The following SPMIP2 variants were observed in gnomAD, a reference collection of about 807,000 sequenced individuals.
The protein encoded by SPMIP2 is sperm microtubule inner protein 2, also known as protein SPMIP2.
the SPMIP2 span, among the ~76,000 whole-genome samples, chr4:158,940,559 C>CTTTTTTT: frequency 3.0e-5 from 4 of 135,112 alleles, no homozygotes; most frequent in Non-Finnish European, 4.7e-5. Context: ...GTTGTTCCTT[C>CTTTTTTT]TTTTTTTTTT....
At chr4:159,014,190 C>T in the SPMIP2 span, among the ~76,000 whole-genome samples, 1 of 152,186 alleles carries the variant, frequency 6.6e-6, no homozygotes, top group Non-Finnish European at 1.5e-5. Context: ...TGCGGTGTCT[C>T]ACGCCTGTAA....
the SPMIP2 span, among the ~76,000 whole-genome samples, chr4:158,976,197 TG>T: frequency 4.6e-5 from 7 of 152,152 alleles, no homozygotes; most frequent in Non-Finnish European, 8.8e-5. Flanking sequence ...GCTGAGACAA[TG>T]GGGTTTTCTA....
the SPMIP2 span, among the ~76,000 whole-genome samples, chr4:159,039,153 G>T: frequency 6.6e-6 from 1 of 152,002 alleles, no homozygotes; most frequent in Non-Finnish European, 1.5e-5. Context: ...TGGCCAGGCT[G>T]GTCTGGAACT....
chr4:158,996,158 T>C, the SPMIP2 span, among the ~76,000 whole-genome samples: 1 of 152,224 alleles, frequency 6.6e-6, no homozygotes, highest in African/African-American at 2.4e-5. Flanking sequence ...TTAAATTTGC[T>C]GATGTAATCA....
At chr4:158,944,697 C>G in the SPMIP2 span, among the ~76,000 whole-genome samples, 2 of 152,200 alleles carry the variant, frequency 1.3e-5, no homozygotes, top group Non-Finnish European at 1.5e-5. Context: ...CTGAGTTGAT[C>G]TGCTTCTACT....
the SPMIP2 span, among the ~76,000 whole-genome samples, chr4:158,914,395 A>C: frequency 6.6e-6 from 1 of 152,220 alleles, no homozygotes; most frequent in Non-Finnish European, 1.5e-5. Context: ...CTGGCAACAG[A>C]GGGTGAGTAA....
chr4:159,001,330 G>A, the SPMIP2 span, among the ~76,000 whole-genome samples: 2 of 151,838 alleles, frequency 1.3e-5, no homozygotes, highest in African/African-American at 4.8e-5. Flanking sequence ...TAATTGCCTC[G>A]TCTTCTTATT....
At chr4:159,039,219 G>C in the SPMIP2 span, among the ~76,000 whole-genome samples, 1 of 152,124 alleles carries the variant, frequency 6.6e-6, no homozygotes, top group South Asian at 2.1e-4. Flanking sequence ...AATTACAGGC[G>C]TGAGCCACCA....
chr4:158,976,420 G>T, the SPMIP2 span, among the ~76,000 whole-genome samples: 1 of 152,020 alleles, frequency 6.6e-6, no homozygotes, highest in African/African-American at 2.4e-5. Flanking sequence ...ATTGGCTGTG[G>T]GTTTTTCATA....
chr4:158,957,146 A>G, the SPMIP2 span, among the ~76,000 whole-genome samples: 3 of 152,102 alleles, frequency 2.0e-5, no homozygotes, highest in Non-Finnish European at 4.4e-5. Context: ...TCCCTTCTCC[A>G]TATAACATTC....
the SPMIP2 span, among the ~76,000 whole-genome samples, chr4:158,930,632 C>G: frequency 6.7e-6 from 1 of 149,166 alleles, no homozygotes; most frequent in Admixed American, 6.7e-5. Flanking sequence ...TTTAGGACTA[C>G]AGGCATGCAC....
the SPMIP2 span, among the ~76,000 whole-genome samples, chr4:159,051,042 G>A: frequency 6.6e-6 from 1 of 151,780 alleles, no homozygotes; most frequent in Non-Finnish European, 1.5e-5. Context: ...AGGAGGCAGA[G>A]GTTGCAGTGA....
At chr4:159,042,189 C>G in the SPMIP2 span, among the ~76,000 whole-genome samples, 1 of 152,136 alleles carries the variant, frequency 6.6e-6, no homozygotes, top group Non-Finnish European at 1.5e-5. Context: ...ATCTTTCCCA[C>G]CCCTGTAACT....
the SPMIP2 span, among the ~76,000 whole-genome samples, chr4:158,986,497 T>G: frequency 7.2e-6 from 1 of 139,432 alleles, no homozygotes; most frequent in Non-Finnish European, 1.6e-5. Context: ...TACAGCTATC[T>G]GATCTTTGAC....
the SPMIP2 span, among the ~76,000 whole-genome samples, chr4:158,960,653 C>T: frequency 2.6e-5 from 4 of 152,212 alleles, no homozygotes; most frequent in African/African-American, 9.6e-5. Flanking sequence ...GATTCTATGT[C>T]TAAATAAGCG....
chr4:158,974,090 TAA>T, the SPMIP2 span, among the ~76,000 whole-genome samples: 1 of 151,264 alleles, frequency 6.6e-6, no homozygotes, highest in African/African-American at 2.4e-5. Flanking sequence ...TCTAGGTAGA[TAA>T]AAATCTGAAA....
At chr4:159,013,012 T>C in the SPMIP2 span, among the ~76,000 whole-genome samples, 2 of 152,244 alleles carry the variant, frequency 1.3e-5, no homozygotes, top group African/African-American at 2.4e-5. Flanking sequence ...TTGAATATGT[T>C]GTCAACAGTC....
the SPMIP2 span, among the ~76,000 whole-genome samples, chr4:158,978,654 C>G: frequency 6.6e-6 from 1 of 152,118 alleles, no homozygotes; most frequent in South Asian, 2.1e-4. Flanking sequence ...TGCATTGATC[C>G]CTTTACCACT....
the SPMIP2 span, among the ~76,000 whole-genome samples, chr4:159,017,263 C>G: frequency 1.3e-5 from 2 of 152,138 alleles, no homozygotes; most frequent in African/African-American, 4.8e-5. Flanking sequence ...TAAGGATAAA[C>G]AGTTATCCCG....
Sources: allele counts gnomAD v4.1 joint callset (sites outside exome capture counted in the v4.1 genomes callset), GRCh38; gene constraint gnomAD v4.1.1; transcripts MANE v1.5; gene names NCBI Gene and HGNC (gene_info 2026-07-23, HGNC 2026-07-21).